Variants in SSH1 observed in about 807,000 individuals in gnomAD.
SSH1 encodes the protein protein phosphatase Slingshot homolog 1.
SSH1 carries 43 observed loss-of-function variants against 79.7 expected under a neutral mutation model. The ratio of observed to expected loss-of-function variants is 0.54; its 90% CI spans 0.42 to 0.70. The LOEUF (loss-of-function observed/expected upper bound fraction) is 0.70. Among genes scored for constraint, SSH1 ranks in the 30% least tolerant of loss-of-function variants. SSH1 has a pLI of 0.00. For missense variants in SSH1, 1,206 were observed against 1,358.8 expected, an observed-to-expected ratio of 0.89 and a Z score of 1.77; for synonymous variants, 599 against 538.3, an observed-to-expected ratio of 1.11 and a Z score of -1.56.
chr12:108,844,973 C>T (rs974088105), intron 2 of SSH1, among the ~76,000 whole-genome samples: 2 of 151,626 alleles, frequency 1.3e-5, no homozygotes, highest in East Asian at 1.9e-4. Context: ...GCAGGGTACA[C>T]CTACAGTCCC....
At chr12:108,802,677 C>T (rs2037070198) in intron 10 of SSH1, among the ~76,000 whole-genome samples, 1 of 151,842 alleles carries the variant, frequency 6.6e-6, no homozygotes, top group Admixed American at 6.6e-5. Flanking sequence ...CCTAAGAGTC[C>T]AGTGGGGGGG....
chr12:108,845,935 G>A (rs1446676524), intron 2 of SSH1, among the ~76,000 whole-genome samples: 1 of 152,216 alleles, frequency 6.6e-6, no homozygotes, highest in Non-Finnish European at 1.5e-5. Context: ...GTGGACAGGT[G>A]CAAAAGTAGG....
intron 5 of SSH1, among the ~76,000 whole-genome samples, chr12:108,812,091 C>T (rs986406243): frequency 3.3e-5 from 5 of 152,118 alleles, no homozygotes; most frequent in Non-Finnish European, 5.9e-5. Flanking sequence ...CAGGTAGCGC[C>T]CTGCCCCATG....
At chr12:108,826,036 G>C in intron 2 of SSH1, 1 of 428,240 alleles carries the variant, frequency 2.3e-6, no homozygotes, top group South Asian at 1.7e-5. Flanking sequence ...AAGCAGCTGG[G>C]AAAATCTTTT....
intron 2 of SSH1, among the ~76,000 whole-genome samples, chr12:108,844,871 G>C (rs1439762790): frequency 6.6e-6 from 1 of 152,224 alleles, no homozygotes; most frequent in Non-Finnish European, 1.5e-5. Context: ...CACTTTGGGA[G>C]GCTGAGGCGG....
intron 5 of SSH1, 150 bp downstream of exon 5, chr12:108,816,888 C>A: frequency 1.7e-6 from 2 of 1,188,446 alleles, no homozygotes; most frequent in Non-Finnish European, 2.5e-6. Flanking sequence ...AAATGGCACA[C>A]CCTAGTGTTC....
At chr12:108,811,799 C>T (rs988402567) in intron 5 of SSH1, among the ~76,000 whole-genome samples, 1 of 152,182 alleles carries the variant, frequency 6.6e-6, no homozygotes, top group Non-Finnish European at 1.5e-5. Context: ...TTTTGTTTTG[C>T]CCATCCTACC....
At position 108,788,141 on chromosome 12, in the gene SSH1, G is replaced by A. The variant is rs763280626; in HGVS notation, c.2997C>T (p.Ser999=). ...TGGTGTCCTGGGAGTCAGCGACGGT[G>A]GACGGGTCAGCCTCACTGGACAGGT... is the stretch of plus-strand genomic sequence containing the variant. ...TEDLSSEADP[S]TVADSQDTTL... Residue 999 remains serine, a synonymous_variant, in exon 15 of 15, where the codon TCC becomes TCT. Transcript: ENST00000326495. 1 of 1,614,052 alleles carries A rather than the reference G, an allele frequency of 6.2e-7. No individual in the cohort carries two copies. Among genetic ancestry groups the A allele is most frequent in the Non-Finnish European group, 8.5e-7 (1 of 1,180,022 alleles).
chr12:108,788,529 G>C lies in SSH1; in HGVS notation c.2609C>G (p.Pro870Arg). The C allele has an allele frequency of 6.4e-7, 1 of 1,565,274 alleles. No individual in the cohort carries two copies. The highest frequency in any genetic ancestry group is 8.6e-7 in the Non-Finnish European group (1 of 1,156,254). The change falls in exon 15 of 15, where the codon CCC (proline) becomes CGC (arginine). Residue 870 changes from proline (P) to arginine (R), a missense_variant. By Grantham distance (103) the Pro-to-Arg change is moderately radical (BLOSUM62 -2). Around this residue, in one of 5 missense-constraint regions of SSH1, gnomAD observed 709 missense variants for 730.6 expected, o/e 0.97. Transcript: ENST00000326495. ...QDPAALHELG[P>R]LVMPSQAGSD... is the part of the protein sequence containing the mutation. ...CCCGGCCTGGCTGGGCATAACCAGGGGGCCCAGCTCGTGGAGCGCGGCTGG... is the reference window on the plus strand; with the variant it reads ...CCCGGCCTGGCTGGGCATAACCAGGCGGCCCAGCTCGTGGAGCGCGGCTGG...
In SSH1 at chr12:108,805,311, A is replaced by G; in HGVS notation, c.826-127T>C. The G allele has an allele frequency of 4.8e-6, 5 of 1,033,998 alleles. No individual in the cohort carries two copies. In the South Asian group the frequency reaches 7.3e-5, roughly 15 times the overall value. The allele number at this position is 1,033,998 out of a possible 1,614,324, so 64.1% of individuals were successfully genotyped here. On this transcript the variant is annotated intron_variant, in intron 9 of 14. Coordinates refer to ENST00000326495, the MANE Select transcript of SSH1 (RefSeq NM_018984.4). ...AAGGTGGGTGTTTTTTCTCTTTCAG[A>G]GTAATACATTTAGATACACGCAACA...
At position 108,806,416 on chromosome 12, in the gene SSH1, G is replaced by C. The variant is rs372023658; in HGVS notation, c.732-22C>G. The C allele has an allele frequency of 2.5e-6, 4 of 1,607,850 alleles. No individual in the cohort carries two copies. In the South Asian group the frequency reaches 3.3e-5, roughly 13 times the overall value. On this transcript the variant is annotated intron_variant, in intron 8 of 14. Transcript: ENST00000326495. ...GGGCCTGGAAAGAAATGACGTTTAG[G>C]AGAGCAAGGAGCTGTAGAAAGCTTG...
At chr12:108,817,404 T>G (rs2037939438) in intron 4 of SSH1, 1 of 444,552 alleles carries the variant, frequency 2.2e-6, no homozygotes, top group Non-Finnish European at 4.2e-6. Context: ...CAAAACCCCA[T>G]CTCTTACTAA....
intron 5 of SSH1, among the ~76,000 whole-genome samples, chr12:108,815,210 G>A (rs1484297958): frequency 2.6e-5 from 4 of 152,190 alleles, no homozygotes; most frequent in African/African-American, 9.7e-5. Context: ...GCCACTAACC[G>A]GGATGACCCT....
At chr12:108,853,889 A>G (rs1593140516) in intron 1 of SSH1, among the ~76,000 whole-genome samples, 1 of 149,916 alleles carries the variant, frequency 6.7e-6, no homozygotes, top group East Asian at 2.0e-4. Context: ...GCACCACTGC[A>G]CTCCAGCCTG....
rs777920437 is a variant in SSH1, at chr12:108,800,821, G to A, written c.1107C>T (p.Leu369=). ...RVYDEETTDL[L]AHWNEAYHFI... ...AATGATACGCTTCATTCCAGTGGGCGAGGAGGTCTGTGGTCTCTTCATCGT... is the reference window on the plus strand; with the variant it reads ...AATGATACGCTTCATTCCAGTGGGCAAGGAGGTCTGTGGTCTCTTCATCGT... The change falls in exon 12 of 15, where the codon CTC becomes CTT. Residue 369 remains leucine, a synonymous_variant. Coordinates refer to ENST00000326495, the MANE Select transcript of SSH1 (RefSeq NM_018984.4). 35 of 1,614,020 alleles carry A rather than the reference G, an allele frequency of 2.2e-5. No individual in the cohort carries two copies. Among genetic ancestry groups the A allele is most frequent in the East Asian group, 6.7e-5 (3 of 44,902 alleles).
At chr12:108,844,846 C>T (rs919503433) in intron 2 of SSH1, among the ~76,000 whole-genome samples, 2 of 152,164 alleles carry the variant, frequency 1.3e-5, no homozygotes, top group African/African-American at 4.8e-5. Flanking sequence ...TGGTGGCTCA[C>T]GCCTGTAATC....
chr12:108,792,247 G>A (rs149188196), intron 14 of SSH1, 39 bp downstream of exon 14: 10 of 1,614,104 alleles, frequency 6.2e-6, no homozygotes, highest in African/African-American at 2.7e-5. Flanking sequence ...GGGATGGAAG[G>A]GATGGGGTGT....
At chr12:108,800,713 T>TTAGGA in intron 12 of SSH1, 67 bp downstream of exon 12, 3 of 1,602,066 alleles carry the variant, frequency 1.9e-6, no homozygotes, top group Non-Finnish European at 1.7e-6. Context: ...TGCAGTCTCG[T>TTAGGA]TCATTCCCAC....
chr12:108,797,381 C>T (rs537649853), intron 13 of SSH1, among the ~76,000 whole-genome samples: 26 of 152,112 alleles, frequency 1.7e-4, no homozygotes, highest in African/African-American at 5.1e-4. Flanking sequence ...CAGACAGGTG[C>T]GGGTCCCTGG....
Sources: gnomAD v4.1 joint callset for allele counts (sites outside exome capture counted in the v4.1 genomes callset) on GRCh38, gnomAD v4.1.1 for gene constraint, gnomAD v4.1.1 regional missense constraint, MANE v1.5 for transcripts, NCBI Gene and HGNC (gene_info 2026-07-23, HGNC 2026-07-21) for gene names.